DEFB127: variants seen among roughly 807,000 people sequenced by gnomAD.
DEFB127 encodes the protein defensin beta 127, also known as beta-defensin 127.
DEFB127 carries 2 observed loss-of-function variants against 2.4 expected under a neutral mutation model. The ratio of observed to expected loss-of-function variants is 0.82; its 90% CI spans 0.34 to 2.58. DEFB127 has a LOEUF of 2.58. DEFB127 is among the 30% of genes most tolerant of loss of function. The pLI, the probability that DEFB127 is intolerant of heterozygous loss-of-function variation, is 0.11. For synonymous variants in DEFB127, 37 were observed against 39.8 expected (o/e 0.93, Z 0.26); for missense variants, 110 against 113.2 (o/e 0.97, Z 0.13).
In DEFB127 at chr20:158,812, C is replaced by T; in HGVS notation, c.88C>T (p.Gln30Ter). ...TAAGAAGTGCTGGAATAACTATGTA[C>T]AAGGACATTGCAGGAAAATCTGCAG... is the stretch of plus-strand genomic sequence containing the variant. Reference protein sequence around the residue: ...QLKKCWNNYVQGHCRKICRVN... With the variant: ...QLKKCWNNYV The change falls in exon 2 of 2, where the codon CAA becomes TAA. Residue 30 changes from glutamine to a stop codon, truncating the protein, a stop_gained. Transcript: ENST00000382388. LOFTEE classifies it low-confidence loss of function (END_TRUNC). 1 of 1,613,418 alleles carries T rather than the reference C, an allele frequency of 6.2e-7. No homozygotes were observed. The highest frequency in any genetic ancestry group is 1.3e-5 in the African/African-American group (1 of 75,002).
rs1190932870 is a variant in DEFB127, at chr20:157,931, A to ATGTGTGTG, written c.49+363_49+370dup. On this transcript the variant is annotated intron_variant, in intron 1 of 1. Transcript: ENST00000382388. ...TATTTCCTTTTACTCAAATATATATATGTGTGTGTGTGTGTGTGTGTGTGT... is the reference window on the plus strand; with the variant it reads ...TATTTCCTTTTACTCAAATATATATATGTGTGTGTGTGTGTGTGTGTGTGTGTGTGTGT... Among the ~76,000 whole-genome samples, 66 of 21,176 alleles carry ATGTGTGTG rather than the reference A, an allele frequency of 3.1e-3. 1 individual carries two copies. The highest frequency in any genetic ancestry group is 3.6e-3 in the Non-Finnish European group (8 of 2,220). The allele number at this position is 21,176 out of a possible 152,430, so 13.9% of individuals were successfully genotyped here.
chr20:158,781 A>T lies in DEFB127; in HGVS notation c.57A>T (p.Glu19Asp). The T allele has an allele frequency of 6.2e-7, 1 of 1,610,502 alleles. No individual in the cohort carries two copies. Among genetic ancestry groups the T allele is most frequent in the Non-Finnish European group, 8.5e-7 (1 of 1,178,444 alleles). Residue 19 changes from glutamate (E) to aspartate (D), a missense_variant, in exon 2 of 2, where the codon GAA becomes GAT. Coordinates refer to ENST00000382388, the MANE Select transcript of DEFB127 (RefSeq NM_139074.4). ...GCTCCTTTCTGTGTATAGTAACCGA[A>T]CAACTTAAGAAGTGCTGGAATAACT... ...ILLFQKPTVT[E>D]QLKKCWNNYV...
Position 158,895 on chromosome 20 carries a change from CA to C in DEFB127, c.173del (p.Lys58ArgfsTer22). ...ENGRYCCLNI[K>X]ELEACKKITK... ...ATGGGAGATACTGTTGCCTCAATATCAAGGAACTGGAAGCATGTAAAAAAAT... is the reference window on the plus strand; with the variant it reads ...ATGGGAGATACTGTTGCCTCAATATCAGGAACTGGAAGCATGTAAAAAAAT... On this transcript the variant is annotated frameshift_variant, in exon 2 of 2. Coordinates refer to ENST00000382388, the MANE Select transcript of DEFB127 (RefSeq NM_139074.4). LOFTEE classifies it low-confidence loss of function (END_TRUNC). The C allele has an allele frequency of 6.2e-7, 1 of 1,613,774 alleles. No homozygotes were observed. Among genetic ancestry groups the C allele is most frequent in the Non-Finnish European group, 8.5e-7 (1 of 1,179,806 alleles).
In DEFB127 at chr20:158,880, C is replaced by A; in HGVS notation, c.156C>A (p.Tyr52Ter). ...AGGCACTATGTGAAAATGGGAGATACTGTTGCCTCAATATCAAGGAACTGG... is the reference window on the plus strand; with the variant it reads ...AGGCACTATGTGAAAATGGGAGATAATGTTGCCTCAATATCAAGGAACTGG... ...VPEALCENGR[Y>*]CCLNIKELEA... is the part of the protein sequence containing the mutation. Residue 52 changes from tyrosine (Y) to a stop codon, truncating the protein, a stop_gained, in exon 2 of 2, where the codon TAC becomes TAA. Transcript: ENST00000382388. LOFTEE classifies it low-confidence loss of function (END_TRUNC). 6.2e-7 allele frequency: 1 copy of A among 1,613,788 alleles called. No individual in the cohort carries two copies. The highest frequency in any genetic ancestry group is 8.5e-7 in the Non-Finnish European group (1 of 1,179,796).
intron 1 of DEFB127, among the ~76,000 whole-genome samples, chr20:157,927 ATATATGTGTG>A (rs1359512070): frequency 5.0e-3 from 419 of 83,226 alleles, no homozygotes; most frequent in Non-Finnish European, 6.4e-3. Flanking sequence ...ACTCAAATAT[ATATATGTGTG>A]TGTGTGTGTG....
At position 157,598 on chromosome 20, in the gene DEFB127, A is replaced by G; in HGVS notation, c.49+5A>G. ...TGCTGTTCCAGAAACCCACAGGTAA[A>G]CCAAACCAGAAGCTCACTCAAATCA... On this transcript the variant is annotated splice_donor_5th_base_variant and intron_variant, in intron 1 of 1. Transcript: ENST00000382388. 2 of 1,613,916 alleles carry G rather than the reference A, an allele frequency of 1.2e-6. No homozygotes were observed. Among genetic ancestry groups the G allele is most frequent in the Non-Finnish European group, 1.7e-6 (2 of 1,179,862 alleles).
intron 1 of DEFB127, 29 bp downstream of exon 1, chr20:157,622 C>G: frequency 6.2e-7 from 1 of 1,613,306 alleles, no homozygotes; most frequent in Non-Finnish European, 8.5e-7. Flanking sequence ...TCACTCAAAT[C>G]AACAGTGGGA....
In DEFB127 at chr20:158,899, G is replaced by A. The variant is rs181144839; in HGVS notation, c.175G>A (p.Glu59Lys). The change falls in exon 2 of 2, where the codon GAA becomes AAA. Residue 59 changes from glutamate (E) to lysine (K), a missense_variant. Coordinates refer to ENST00000382388, the MANE Select transcript of DEFB127 (RefSeq NM_139074.4). ...GAGATACTGTTGCCTCAATATCAAG[G>A]AACTGGAAGCATGTAAAAAAATTAC... Reference protein sequence around the residue: ...NGRYCCLNIKELEACKKITKP... With the variant: ...NGRYCCLNIKKLEACKKITKP... 3.2e-5 allele frequency: 51 copies of A among 1,613,756 alleles called. No homozygotes were observed. Among genetic ancestry groups the A allele is most frequent in the Admixed American group, 2.2e-4 (13 of 59,910 alleles).
rs1458660144 is a variant in DEFB127 at position 158,756 on chromosome 20, G to A, written c.50-18G>A. The A allele has an allele frequency of 1.9e-6, 3 of 1,596,702 alleles. No homozygotes were observed. The highest frequency in any genetic ancestry group is 2.6e-6 in the Non-Finnish European group (3 of 1,172,282). On this transcript the variant is annotated intron_variant, in intron 1 of 1. Coordinates refer to ENST00000382388, the MANE Select transcript of DEFB127 (RefSeq NM_139074.4). ...TCTCAAACACTGATATTGTTCTATT[G>A]CTCCTTTCTGTGTATAGTAACCGAA...
At position 157,572 on chromosome 20, in the gene DEFB127, C is replaced by G; in HGVS notation, c.28C>G (p.Leu10Val). 6.2e-7 allele frequency: 1 copy of G among 1,613,966 alleles called. No individual in the cohort carries two copies. The highest frequency in any genetic ancestry group is 8.5e-7 in the Non-Finnish European group (1 of 1,179,902). The change falls in exon 1 of 2, where the codon CTG becomes GTG. Residue 10 changes from leucine to valine, a missense_variant. By Grantham distance (32) the Leu-to-Val change is conservative. Transcript: ENST00000382388. MGLFMIIAI[L>V]LFQKPTVTEQ... ...GGGGCTCTTCATGATCATTGCAATT[C>G]TGCTGTTCCAGAAACCCACAGGTAA... is the stretch of plus-strand genomic sequence containing the variant.
intron 1 of DEFB127, among the ~76,000 whole-genome samples, chr20:157,995 T>G (rs368758910): frequency 6.6e-6 from 1 of 151,730 alleles, no homozygotes; most frequent in African/African-American, 2.4e-5. Flanking sequence ...ATTTTGGAGT[T>G]AGGTTTAAGA....
intron 1 of DEFB127, 100 bp from the exon 2 acceptor site, chr20:158,674 C>A: frequency 8.1e-7 from 1 of 1,230,086 alleles, no homozygotes. Flanking sequence ...GTGGATACCC[C>A]ATACCCCTAA....
chr20:158,540 T>A (rs1218840270), intron 1 of DEFB127, among the ~76,000 whole-genome samples: 2 of 152,040 alleles, frequency 1.3e-5, no homozygotes, highest in Non-Finnish European at 2.9e-5. Flanking sequence ...CTTGGCAGAG[T>A]CTATCAGATG....
chr20:159,154 A>G lies in DEFB127; in HGVS notation c.*130A>G, dbSNP rs2054715567. 2.8e-6 allele frequency: 3 copies of G among 1,064,682 alleles called. No individual in the cohort carries two copies. Among genetic ancestry groups the G allele is most frequent in the East Asian group, 2.6e-5 (1 of 38,216 alleles). 66.0% of individuals were successfully genotyped at this position (1,064,682 alleles called of 1,614,324 possible). On this transcript the variant is annotated 3_prime_UTR_variant, in exon 2 of 2. Transcript: ENST00000382388. ...CTTCGAGCATATTCTAATAAAGTGC[A>G]TTGCCAGTTTTCTGTCTCATTTTGT...
chr20:157,763 A>G (rs935697194), intron 1 of DEFB127, among the ~76,000 whole-genome samples, 170 bp downstream of exon 1: 4 of 152,166 alleles, frequency 2.6e-5, no homozygotes, highest in Non-Finnish European at 5.9e-5. Flanking sequence ...CCATGTTACT[A>G]TCCTTAAAGA....
intron 1 of DEFB127, 64 bp from the exon 2 acceptor site, chr20:158,710 C>T: frequency 6.5e-7 from 1 of 1,533,792 alleles, no homozygotes; most frequent in Non-Finnish European, 8.8e-7. Context: ...TCTGTCTTCC[C>T]CAAAACCAAC....
rs192720161 is a variant in DEFB127 at position 158,046 on chromosome 20, G to C, written c.49+453G>C. Among the ~76,000 whole-genome samples the C allele has an allele frequency of 9.2e-5, 14 of 152,130 alleles. No homozygotes were observed. The East Asian group carries it at 2.3e-3, about 25-fold the overall frequency. The stretch of plus-strand genomic sequence containing the variant: ...TCTACTAGTTTGTCAACTTTAAGTA[G>C]TGAAGACTCTAGGAGCCTCAGTTTC... On this transcript the variant is annotated intron_variant, in intron 1 of 1. Coordinates refer to ENST00000382388, the MANE Select transcript of DEFB127 (RefSeq NM_139074.4).
chr20:158,785 C>G lies in DEFB127; in HGVS notation c.61C>G (p.Leu21Val). The G allele has an allele frequency of 6.2e-7, 1 of 1,611,804 alleles. No homozygotes were observed. Among genetic ancestry groups the G allele is most frequent in the Non-Finnish European group, 8.5e-7 (1 of 1,178,954 alleles). Residue 21 changes from leucine (L) to valine (V), a missense_variant, in exon 2 of 2, where the codon CTT becomes GTT. Leu to Val is a conservative substitution (Grantham distance 32). Coordinates refer to ENST00000382388, the MANE Select transcript of DEFB127 (RefSeq NM_139074.4). The part of the protein sequence containing the change: ...LFQKPTVTEQ[L>V]KKCWNNYVQG... ...CTTTCTGTGTATAGTAACCGAACAA[C>G]TTAAGAAGTGCTGGAATAACTATGT...
At chr20:157,845 T>C (rs2054708658) in intron 1 of DEFB127, among the ~76,000 whole-genome samples, 1 of 152,170 alleles carries the variant, frequency 6.6e-6, no homozygotes, top group African/African-American at 2.4e-5. Flanking sequence ...AAAGGAATGA[T>C]GCCAATATCT....
Sources: allele counts gnomAD v4.1 joint callset (sites outside exome capture counted in the v4.1 genomes callset), GRCh38; gene constraint gnomAD v4.1.1; transcripts MANE v1.5; gene names NCBI Gene and HGNC (gene_info 2026-07-23, HGNC 2026-07-21).